Variants in PDZD2 observed in about 807,000 individuals in gnomAD.
The protein encoded by PDZD2 is PDZ domain containing 2.
PDZD2 carries 90 observed loss-of-function variants against 220.7 expected under a neutral mutation model. The ratio of observed to expected loss-of-function variants is 0.41; its 90% CI spans 0.34 to 0.49. PDZD2 has a LOEUF of 0.49. Among genes scored for constraint, PDZD2 ranks in the 20% least tolerant of loss-of-function variants. PDZD2 has a pLI of 0.28. For missense variants in PDZD2, 3,174 were observed against 3,608.5 expected (o/e 0.88, Z 3.08); for synonymous variants, 1,375 against 1,450.5 (o/e 0.95, Z 1.18).
At chr5:31,691,898 G>T (rs944216248) in intron 1 of PDZD2, among the ~76,000 whole-genome samples, 3 of 152,220 alleles carry the variant, frequency 2.0e-5, no homozygotes, top group Non-Finnish European at 4.4e-5. Context: ...CCCTTAGCTA[G>T]ACATAAAGGT....
intron 7 of PDZD2, among the ~76,000 whole-genome samples, chr5:32,040,566 TGAG>T (rs548485188): frequency 2.2e-4 from 30 of 138,662 alleles, no homozygotes; most frequent in African/African-American, 7.8e-4. Context: ...GTCTGGGAGA[TGAG>T]GAGCGCCTCT....
intron 2 of PDZD2, among the ~76,000 whole-genome samples, chr5:31,952,143 T>C (rs1747235614): frequency 6.6e-6 from 1 of 152,228 alleles, no homozygotes; most frequent in Non-Finnish European, 1.5e-5. Context: ...AGAATTAAAC[T>C]CTTTTTAAGT....
intron 4 of PDZD2, among the ~76,000 whole-genome samples, chr5:31,996,272 T>G (rs531908452): frequency 6.6e-6 from 1 of 152,264 alleles, no homozygotes; most frequent in East Asian, 1.9e-4. Context: ...TGAAAACAAT[T>G]CATACCTCAA....
intron 2 of PDZD2, among the ~76,000 whole-genome samples, chr5:31,897,288 G>A (rs1470063972): frequency 6.6e-6 from 1 of 152,158 alleles, no homozygotes; most frequent in Non-Finnish European, 1.5e-5. Flanking sequence ...TAAACCTCGA[G>A]TATCTCTTAC....
intron 2 of PDZD2, among the ~76,000 whole-genome samples, chr5:31,866,012 G>T (rs1160572471): frequency 8.6e-5 from 12 of 139,124 alleles, no homozygotes; most frequent in East Asian, 4.4e-4. Context: ...CTTGATTTTG[G>T]TTTTTTTTTG....
At position 31,799,246 on chromosome 5, in the gene PDZD2, A is replaced by G. The variant is rs1754237141; in HGVS notation, c.-3A>G. 4 of 1,578,642 alleles carry G rather than the reference A, an allele frequency of 2.5e-6. No homozygotes were observed. The highest frequency in any genetic ancestry group is 3.5e-6 in the Non-Finnish European group (4 of 1,157,856). On this transcript the variant is annotated 5_prime_UTR_variant, in exon 2 of 25. Transcript: ENST00000438447. ...ATGATGCTGGTGTCTGGGAGTGAGCACCATGCCCATCACCCAGGACAATGC... is the reference window on the plus strand; with the variant it reads ...ATGATGCTGGTGTCTGGGAGTGAGCGCCATGCCCATCACCCAGGACAATGC...
At chr5:31,708,296 G>A (rs1263356029) in intron 1 of PDZD2, among the ~76,000 whole-genome samples, 4 of 152,234 alleles carry the variant, frequency 2.6e-5, no homozygotes, top group Non-Finnish European at 4.4e-5. Flanking sequence ...GGGGACAGCA[G>A]TGGTCACTGC....
intron 5 of PDZD2, among the ~76,000 whole-genome samples, chr5:32,003,133 ACC>A (rs1391387945): frequency 1.7e-3 from 24 of 13,806 alleles, no homozygotes; most frequent in Non-Finnish European, 0.012. Context: ...CCACACACAC[ACC>A]ACACACACAC....
chr5:31,804,912 G>A (rs1042900052), intron 2 of PDZD2, among the ~76,000 whole-genome samples: 13 of 152,186 alleles, frequency 8.5e-5, no homozygotes, highest in African/African-American at 1.4e-4. Context: ...AAGGAAGCCC[G>A]GTCAGGCGTG....
At chr5:31,873,374 C>T (rs1738999045) in intron 2 of PDZD2, among the ~76,000 whole-genome samples, 1 of 151,176 alleles carries the variant, frequency 6.6e-6, no homozygotes, top group African/African-American at 2.4e-5. Context: ...GTGAAGGCTG[C>T]AGTGAGTCAT....
rs374909742 is a variant in PDZD2, at chr5:32,077,443, G to A, written c.3538-19G>A. The A allele has an allele frequency of 7.1e-4, 1,139 of 1,612,694 alleles. No individual in the cohort carries two copies. The highest frequency in any genetic ancestry group is 8.8e-4 in the Non-Finnish European group (1,041 of 1,179,702). On this transcript the variant is annotated intron_variant, in intron 18 of 24. Coordinates refer to ENST00000438447, the MANE Select transcript of PDZD2 (RefSeq NM_178140.4). Reference sequence around the variant, plus strand: ...GCCTGAAAGTTATTTCAAGTGGCTTGTGGTTGTCATTGTGCCAGGAATCTC... The same window carrying A: ...GCCTGAAAGTTATTTCAAGTGGCTTATGGTTGTCATTGTGCCAGGAATCTC...
intron 2 of PDZD2, among the ~76,000 whole-genome samples, chr5:31,860,888 A>C (rs981474464): frequency 6.6e-6 from 1 of 152,196 alleles, no homozygotes; most frequent in Admixed American, 6.5e-5. Context: ...TTTGGCCCTC[A>C]GTAGCAGCCC....
chr5:31,645,660 C>G (rs1561360385), intron 1 of PDZD2, among the ~76,000 whole-genome samples: 2 of 152,118 alleles, frequency 1.3e-5, no homozygotes, highest in Non-Finnish European at 2.9e-5. Flanking sequence ...AACACTTGGA[C>G]ACCTCTAGTA....
intron 2 of PDZD2, among the ~76,000 whole-genome samples, chr5:31,916,775 G>A (rs914466096): frequency 9.2e-5 from 14 of 152,158 alleles, no homozygotes; most frequent in Non-Finnish European, 1.5e-4. Flanking sequence ...CATCTAGCTA[G>A]AGGTAAAAAT....
At chr5:31,728,234 C>G (rs1749298787) in intron 1 of PDZD2, among the ~76,000 whole-genome samples, 1 of 152,000 alleles carries the variant, frequency 6.6e-6, no homozygotes, top group Non-Finnish European at 1.5e-5. Context: ...CCCATGTCCC[C>G]ATTACACAGA....
chr5:31,788,344 C>T (rs1753498491), intron 1 of PDZD2, among the ~76,000 whole-genome samples: 1 of 151,460 alleles, frequency 6.6e-6, no homozygotes, highest in Non-Finnish European at 1.5e-5. Flanking sequence ...GTACTCCAGC[C>T]TGGGCAACAA....
chr5:31,767,543 T>C (rs16901541), intron 1 of PDZD2, among the ~76,000 whole-genome samples: 2,203 of 152,364 alleles, frequency 0.014, 63 homozygotes, highest in African/African-American at 0.051. Flanking sequence ...TTTCTGTTGA[T>C]GTTTCAAACC....
chr5:31,777,875 A>T (rs1365624618), intron 1 of PDZD2, among the ~76,000 whole-genome samples: 1 of 152,212 alleles, frequency 6.6e-6, no homozygotes, highest in Non-Finnish European at 1.5e-5. Context: ...TTGTAAATTC[A>T]CCAATCAACA....
intron 1 of PDZD2, among the ~76,000 whole-genome samples, chr5:31,746,484 T>C (rs1750611659): frequency 1.3e-5 from 2 of 152,188 alleles, no homozygotes; most frequent in African/African-American, 4.8e-5. Flanking sequence ...ACACAAGGGA[T>C]TGTGCTCAAA....
Sources: gnomAD v4.1 joint callset for allele counts (sites outside exome capture counted in the v4.1 genomes callset) on GRCh38, gnomAD v4.1.1 for gene constraint, MANE v1.5 for transcripts, NCBI Gene and HGNC (gene_info 2026-07-23, HGNC 2026-07-21) for gene names.